Variants in TIMMDC1 observed in about 807,000 individuals in gnomAD.
The protein encoded by TIMMDC1 is translocase of inner mitochondrial membrane domain containing 1, also known as complex I assembly factor TIMMDC1, mitochondrial.
Under a neutral mutation model 32.6 loss-of-function variants are expected in TIMMDC1, and 25 were observed. The ratio of observed to expected loss-of-function variants is 0.77; its 90% CI spans 0.56 to 1.07. The LOEUF (loss-of-function observed/expected upper bound fraction) is 1.07. Ranked by LOEUF, TIMMDC1 falls within the 50% of genes least tolerant of loss-of-function variation. The pLI, the probability that TIMMDC1 is intolerant of heterozygous loss-of-function variation, is 0.00. For synonymous variants in TIMMDC1, 130 were observed against 127.6 expected, an observed-to-expected ratio of 1.02 and a Z score of -0.13; for missense variants, 329 against 349.2, an observed-to-expected ratio of 0.94 and a Z score of 0.46.
intron 6 of TIMMDC1, among the ~76,000 whole-genome samples, chr3:119,521,967 A>G (rs945925373): frequency 3.9e-5 from 6 of 152,164 alleles, no homozygotes; most frequent in African/African-American, 1.4e-4. Context: ...TAGGAATGCA[A>G]ATTATTACAG....
At chr3:119,515,809 T>C (rs1050890391) in intron 5 of TIMMDC1, among the ~76,000 whole-genome samples, 5 of 152,206 alleles carry the variant, frequency 3.3e-5, no homozygotes, top group African/African-American at 1.2e-4. Context: ...ACTAGAAAGG[T>C]GGTTGTAAAT....
At chr3:119,522,887 A>C (rs1207619845) in intron 6 of TIMMDC1, among the ~76,000 whole-genome samples, 1 of 151,872 alleles carries the variant, frequency 6.6e-6, no homozygotes, top group Non-Finnish European at 1.5e-5. Context: ...GTATGTGCCT[A>C]CTTCTTCGCT....
At chr3:119,519,121 C>CGCCAATAAGAACG (rs1553780439) in intron 6 of TIMMDC1, among the ~76,000 whole-genome samples, 3 of 151,868 alleles carry the variant, frequency 2.0e-5, no homozygotes, top group African/African-American at 7.3e-5. Context: ...AGAGCAGATA[C>CGCCAATAAGAACG]AGAAAGGAAT....
chr3:119,517,388 C>A (rs1332308614), intron 6 of TIMMDC1, 73 bp downstream of exon 6: 10 of 926,866 alleles, frequency 1.1e-5, no homozygotes, highest in Non-Finnish European at 1.8e-5. Context: ...CTCTTTTAAA[C>A]TTATGTACTC....
intron 5 of TIMMDC1, among the ~76,000 whole-genome samples, chr3:119,515,824 A>G (rs1355342467): frequency 2.6e-5 from 4 of 152,336 alleles, no homozygotes; most frequent in Admixed American, 6.5e-5. Context: ...GTAAATGTTG[A>G]TAAGCTAGTT....
intron 6 of TIMMDC1, among the ~76,000 whole-genome samples, chr3:119,522,804 TTGTGTGTGTG>T (rs71156752): frequency 0.018 from 2,683 of 148,754 alleles, 68 homozygotes; most frequent in African/African-American, 0.061. Context: ...GTATGGGTGT[TTGTGTGTGTG>T]TGTGTGTGTG....
Position 119,510,552 on chromosome 3 carries a change from T to TACAATAAAGAGG in TIMMDC1, c.518-3076_518-3065dup, listed in dbSNP as rs202027902. 6.1e-3 allele frequency among the ~76,000 whole-genome samples: 930 copies of TACAATAAAGAGG among 152,280 alleles called. 5 individuals carry two copies. Among genetic ancestry groups the TACAATAAAGAGG allele is most frequent in the Middle Eastern group, 0.014 (4 of 294 alleles). On this transcript the variant is annotated intron_variant, in intron 4 of 6. Transcript: ENST00000494664. ...TGTAAAATTAAAATCTGTATAAAGT[T>TACAATAAAGAGG]ACAATAAAGAGGACAATAAAGAGGT...
At chr3:119,503,084 T>A (rs1207938188) in intron 2 of TIMMDC1, among the ~76,000 whole-genome samples, 1 of 152,222 alleles carries the variant, frequency 6.6e-6, no homozygotes, top group Non-Finnish European at 1.5e-5. Flanking sequence ...GATTTATAAT[T>A]CATTACAGGT....
At chr3:119,500,071 A>G (rs563799482) in intron 1 of TIMMDC1, among the ~76,000 whole-genome samples, 4 of 152,320 alleles carry the variant, frequency 2.6e-5, no homozygotes, top group South Asian at 2.1e-4. Context: ...TGCCCAGCCC[A>G]GTGCTTTTAT....
At chr3:119,519,399 A>T (rs1223598584) in intron 6 of TIMMDC1, among the ~76,000 whole-genome samples, 2 of 152,220 alleles carry the variant, frequency 1.3e-5, no homozygotes, top group African/African-American at 2.4e-5. Flanking sequence ...ATAGGCTGAA[A>T]GTAAAGGGAT....
rs11916344 is a variant in TIMMDC1 at position 119,524,305 on chromosome 3, C to G, written c.*549C>G. ...AAGTAGATCAGCATTATTAAAGAAA[C>G]GGTTCAACTTTGTTTCTTCCCTTAG... On this transcript the variant is annotated 3_prime_UTR_variant, in exon 7 of 7. Coordinates refer to ENST00000494664, the MANE Select transcript of TIMMDC1 (RefSeq NM_016589.4). The G allele has an allele frequency of 6.6e-6, 1 of 152,084 alleles. No homozygotes were observed. Among genetic ancestry groups the G allele is most frequent in the African/African-American group, 2.4e-5 (1 of 41,378 alleles). The allele number at this position is 152,084 out of a possible 1,614,324, so 9.4% of individuals were successfully genotyped here.
rs888074154 is a variant in TIMMDC1 at position 119,524,117 on chromosome 3, A to G, written c.*361A>G. On this transcript the variant is annotated 3_prime_UTR_variant, in exon 7 of 7. Transcript: ENST00000494664. ...ATGTGGTCCTTTGAAAGGGTATTCT[A>G]GAAATCACTGGAAAGAGGAGAGGAA... 6.3e-6 allele frequency: 1 copy of G among 158,364 alleles called. No individual in the cohort carries two copies. The highest frequency in any genetic ancestry group is 2.4e-5 in the African/African-American group (1 of 41,628). The allele number at this position is 158,364 out of a possible 1,614,324, so 9.8% of individuals were successfully genotyped here. A position where few individuals can be genotyped will look rare whatever the true frequency, so the allele number is the denominator to read the frequency against.
chr3:119,513,508 A>G, intron 4 of TIMMDC1, 133 bp from the exon 5 acceptor site: 2 of 662,102 alleles, frequency 3.0e-6, no homozygotes, highest in Non-Finnish European at 5.4e-6. Context: ...TTCAGGAAGT[A>G]TAGGCTGTAG....
In TIMMDC1 at chr3:119,524,422, A is replaced by G. The variant is rs1387730571; in HGVS notation, c.*666A>G. On this transcript the variant is annotated 3_prime_UTR_variant, in exon 7 of 7. Coordinates refer to ENST00000494664, the MANE Select transcript of TIMMDC1 (RefSeq NM_016589.4). ...CTGTTACTAAATGGAAAAGAAAAGA[A>G]TTATTGAGTTAAGTATTCCTGTCAA... The G allele has an allele frequency of 2.6e-5, 4 of 152,250 alleles. No homozygotes were observed. The highest frequency in any genetic ancestry group is 7.2e-5 in the African/African-American group (3 of 41,460). The allele number at this position is 152,250 out of a possible 1,614,324, so 9.4% of individuals were successfully genotyped here. A position where few individuals can be genotyped will look rare whatever the true frequency, so the allele number is the denominator to read the frequency against.
At position 119,523,837 on chromosome 3, in the gene TIMMDC1, T is replaced by C. The variant is rs2082047402; in HGVS notation, c.*81T>C. The C allele has an allele frequency of 7.3e-7, 1 of 1,375,258 alleles. No individual in the cohort carries two copies. Among genetic ancestry groups the C allele is most frequent in the Admixed American group, 2.6e-5 (1 of 37,916 alleles). 85.2% of individuals were successfully genotyped at this position (1,375,258 alleles called of 1,614,324 possible). ...GAATGCCAACAGACAGGCCACTCTT[T>C]GGTCAGCCTGCTGACAAATTTAAGT... is the stretch of plus-strand genomic sequence containing the variant. On this transcript the variant is annotated 3_prime_UTR_variant, in exon 7 of 7. Transcript: ENST00000494664.
chr3:119,510,498 A>G (rs960178817), intron 4 of TIMMDC1, among the ~76,000 whole-genome samples: 2 of 152,240 alleles, frequency 1.3e-5, no homozygotes, highest in African/African-American at 4.8e-5. Flanking sequence ...AAGACATTTC[A>G]GCAAAAAATA....
intron 4 of TIMMDC1, among the ~76,000 whole-genome samples, chr3:119,512,041 TGTGA>T (rs2081956142): frequency 6.6e-6 from 1 of 152,228 alleles, no homozygotes; most frequent in Non-Finnish European, 1.5e-5. Context: ...ATTTCATTTC[TGTGA>T]GTTTGTCCTA....
rs749630880 is a variant in TIMMDC1, at chr3:119,523,696, T to G, written c.798T>G (p.Ile266Met). Reference sequence around the variant, plus strand: ...AACCTGAGAATGATGCTAAGAAAATTGAAGCACTGCTAAACCTTCCTAGAA... The same window carrying G: ...AACCTGAGAATGATGCTAAGAAAATGGAAGCACTGCTAAACCTTCCTAGAA... ...EDEPENDAKK[I>M]EALLNLPRNP... The change falls in exon 7 of 7, where the codon ATT becomes ATG. Residue 266 changes from isoleucine (I) to methionine (M), a missense_variant. Physicochemically the swap from Ile to Met is conservative, Grantham distance 10. Transcript: ENST00000494664. The G allele has an allele frequency of 5.6e-6, 9 of 1,613,626 alleles. No homozygotes were observed. The highest frequency in any genetic ancestry group is 1.7e-5 in the Admixed American group (1 of 59,936).
chr3:119,520,081 T>C (rs1182137744), intron 6 of TIMMDC1, among the ~76,000 whole-genome samples: 2 of 151,924 alleles, frequency 1.3e-5, no homozygotes, highest in African/African-American at 4.8e-5. Flanking sequence ...AAACACAACA[T>C]ACCAAAACCT....
Sources: allele counts gnomAD v4.1 joint callset (sites outside exome capture counted in the v4.1 genomes callset), GRCh38; gene constraint gnomAD v4.1.1; transcripts MANE v1.5; gene names NCBI Gene and HGNC (gene_info 2026-07-23, HGNC 2026-07-21).